The following KBTBD2 variants were observed in gnomAD, a reference collection of about 807,000 sequenced individuals.
The protein encoded by KBTBD2 is kelch repeat and BTB domain containing 2.
KBTBD2 carries 17 observed loss-of-function variants against 57.1 expected under a neutral mutation model. That is an observed-to-expected ratio of 0.30 (90% CI 0.20 to 0.45). The LOEUF (loss-of-function observed/expected upper bound fraction) is 0.45. KBTBD2 is among the 20% of genes least tolerant of loss of function. KBTBD2 has a pLI of 1.00. For missense variants in KBTBD2, 515 were observed against 750.6 expected, an observed-to-expected ratio of 0.69 and a Z score of 3.67; for synonymous variants, 267 against 262.7, an observed-to-expected ratio of 1.02 and a Z score of -0.16.
intron 1 of KBTBD2, among the ~76,000 whole-genome samples, chr7:32,884,624 A>T (rs983143195): frequency 2.0e-5 from 3 of 151,930 alleles, no homozygotes; most frequent in African/African-American, 7.3e-5. Context: ...CAGGAGGAGG[A>T]GGTTGCAGTG....
chr7:32,887,735 G>A (rs1418113956), intron 1 of KBTBD2, among the ~76,000 whole-genome samples: 2 of 152,182 alleles, frequency 1.3e-5, no homozygotes, highest in Non-Finnish European at 2.9e-5. Context: ...GAGGTCAACC[G>A]TTGAAAAATA....
upstream of KBTBD2, chr7:32,892,006 TCGCGCG>T (rs200619313): frequency 6.8e-6 from 1 of 146,798 alleles, no homozygotes; most frequent in Non-Finnish European, 1.5e-5. Context: ...CCCTCCCGCC[TCGCGCG>T]CGCGCGCGCC....
At chr7:32,883,933 C>T (rs1583788102) in intron 1 of KBTBD2, among the ~76,000 whole-genome samples, 1 of 152,150 alleles carries the variant, frequency 6.6e-6, no homozygotes. Flanking sequence ...AACTTAAAAG[C>T]CAAGAAGCAA....
chr7:32,891,861 C>G (rs1175100847), upstream of KBTBD2: 1 of 141,772 alleles, frequency 7.1e-6, no homozygotes, highest in Non-Finnish European at 1.6e-5. Context: ...AGTCCGGGGC[C>G]GCGAGACGCC....
At chr7:32,887,814 TTTAAG>T (rs1302906669) in intron 1 of KBTBD2, among the ~76,000 whole-genome samples, 12 of 152,334 alleles carry the variant, frequency 7.9e-5, no homozygotes, top group African/African-American at 2.2e-4. Context: ...TGTGGCCCTT[TTTAAG>T]TTATTTATTC....
In KBTBD2 at chr7:32,869,388, T is replaced by G. The variant is rs1784109354; in HGVS notation, c.1829A>C (p.Glu610Ala). The G allele has an allele frequency of 1.9e-6, 3 of 1,613,738 alleles. No individual in the cohort carries two copies. The highest frequency in any genetic ancestry group is 2.2e-5 in the South Asian group (2 of 91,056). ...AACCATTTCTCCATCCAGTTCAAAC[T>G]CTTCTGTCCCATCCGTTGAAAAAAG... ...TYLFSTDGTE[E>A]FELDGEMVAL... Residue 610 changes from glutamate (E) to alanine (A), a missense_variant, in exon 4 of 4, where the codon GAG (glutamate) becomes GCG (alanine). Physicochemically the swap from Glu to Ala is moderately radical, Grantham distance 107. Transcript: ENST00000304056.
chr7:32,891,900 CCGCCCCCGCCGCGCGCTCT>C (rs1474220342), upstream of KBTBD2: 1 of 123,946 alleles, frequency 8.1e-6, no homozygotes, highest in Non-Finnish European at 1.7e-5. Flanking sequence ...GCCCCCGCCC[CCGCCCCCGCCGCGCGCTCT>C]CGCCCCCGCC....
In KBTBD2 at chr7:32,891,604, G is replaced by C. The variant is rs1048889011; in HGVS notation, c.-407C>G. ...GGCCCCGTCCACACTGGGCCCCTCC[G>C]GCGCGGCGGCGGGGGCGTGGCCCTC... On this transcript the variant is annotated 5_prime_UTR_variant, in exon 1 of 4. Transcript: ENST00000304056. 1 of 149,572 alleles carries C rather than the reference G, an allele frequency of 6.7e-6. No individual in the cohort carries two copies. The highest frequency in any genetic ancestry group is 2.4e-5 in the African/African-American group (1 of 40,930). The allele number at this position is 149,572 out of a possible 1,614,324, so 9.3% of individuals were successfully genotyped here.
intron 2 of KBTBD2, among the ~76,000 whole-genome samples, chr7:32,877,377 G>A (rs772778312): frequency 3.3e-5 from 5 of 152,160 alleles, no homozygotes; most frequent in Admixed American, 6.5e-5. Flanking sequence ...CAACAGAAGT[G>A]CTGAGTAATT....
chr7:32,878,799 G>A (rs1415489839), intron 2 of KBTBD2, among the ~76,000 whole-genome samples: 3 of 152,086 alleles, frequency 2.0e-5, no homozygotes, highest in Non-Finnish European at 2.9e-5. Flanking sequence ...CTCAGGAAAC[G>A]TACAACAAAG....
chr7:32,881,664 C>G (rs1784447643), intron 1 of KBTBD2, among the ~76,000 whole-genome samples: 2 of 152,188 alleles, frequency 1.3e-5, no homozygotes, highest in Non-Finnish European at 2.9e-5. Flanking sequence ...CTTTGCTCTT[C>G]CAGAACAGCA....
At chr7:32,873,914 A>G (rs575365363) in intron 3 of KBTBD2, among the ~76,000 whole-genome samples, 64 of 152,312 alleles carry the variant, frequency 4.2e-4, no homozygotes, top group African/African-American at 1.5e-3. Context: ...CATTTTGTAA[A>G]AAGAAAAAAA....
chr7:32,876,769 A>C (rs1784322339), intron 2 of KBTBD2, among the ~76,000 whole-genome samples: 2 of 152,232 alleles, frequency 1.3e-5, no homozygotes, highest in Admixed American at 1.3e-4. Flanking sequence ...TAGCCTGGCC[A>C]ACATGGTGAA....
intron 1 of KBTBD2, among the ~76,000 whole-genome samples, chr7:32,888,839 G>A (rs1166562613): frequency 2.0e-5 from 3 of 152,086 alleles, no homozygotes; most frequent in Non-Finnish European, 4.4e-5. Context: ...GTAAATTCAG[G>A]TCACAAGTAC....
At chr7:32,873,167 A>G (rs1216043876) in intron 3 of KBTBD2, among the ~76,000 whole-genome samples, 2 of 152,110 alleles carry the variant, frequency 1.3e-5, no homozygotes, top group Non-Finnish European at 2.9e-5. Flanking sequence ...AAAAACTCTT[A>G]TATTCCTCTT....
In KBTBD2 at chr7:32,869,158, A is replaced by G; in HGVS notation, c.*187T>C. ...TGAATAATCTATTTCATATTATGGA[A>G]GCATATCTTTCTGTAAGACTCACTG... On this transcript the variant is annotated 3_prime_UTR_variant, in exon 4 of 4. Transcript: ENST00000304056. The G allele has an allele frequency of 3.8e-6, 2 of 521,056 alleles. No individual in the cohort carries two copies. The highest frequency in any genetic ancestry group is 6.7e-6 in the Non-Finnish European group (2 of 297,216). The allele number at this position is 521,056 out of a possible 1,614,324, so 32.3% of individuals were successfully genotyped here.
chr7:32,874,975 AATAT>A lies in KBTBD2; in HGVS notation c.336+13_336+16del. 6.2e-7 allele frequency: 1 copy of A among 1,608,882 alleles called. No homozygotes were observed. Among genetic ancestry groups the A allele is most frequent in the Non-Finnish European group, 8.5e-7 (1 of 1,176,506 alleles). ...AACAGAGAGAGACTCCGTCTAAAAAAATATATATATGCTTACCTGTAGGAAGCAA... is the reference window on the plus strand; with the variant it reads ...AACAGAGAGAGACTCCGTCTAAAAAAATATATGCTTACCTGTAGGAAGCAA... On this transcript the variant is annotated intron_variant, in intron 3 of 3. Coordinates refer to ENST00000304056, the MANE Select transcript of KBTBD2 (RefSeq NM_015483.3).
At chr7:32,890,238 G>A (rs1784696633) in intron 1 of KBTBD2, among the ~76,000 whole-genome samples, 1 of 151,952 alleles carries the variant, frequency 6.6e-6, no homozygotes, top group Non-Finnish European at 1.5e-5. Flanking sequence ...AACCTAAAAG[G>A]GCTTCAATAA....
intron 1 of KBTBD2, among the ~76,000 whole-genome samples, chr7:32,887,405 AAAT>A (rs902468406): frequency 1.3e-4 from 20 of 152,376 alleles, no homozygotes; most frequent in Admixed American, 1.2e-3. Context: ...ACCACAAAAA[AAAT>A]AAGTACATGA....
Sources: gnomAD v4.1 joint callset for allele counts (sites outside exome capture counted in the v4.1 genomes callset) on GRCh38, gnomAD v4.1.1 for gene constraint, MANE v1.5 for transcripts, NCBI Gene and HGNC (gene_info 2026-07-23, HGNC 2026-07-21) for gene names.